MAPRE2: variants seen among roughly 807,000 people sequenced by gnomAD.
MAPRE2 encodes the protein microtubule-associated protein RP/EB family member 2.
In MAPRE2, 13 loss-of-function variants were observed where a neutral mutation model predicts 43.2. The ratio of observed to expected loss-of-function variants is 0.30; its 90% CI spans 0.20 to 0.48. The LOEUF is 0.48. MAPRE2 is among the 20% of genes least tolerant of loss of function. The pLI is 0.99. For missense variants in MAPRE2, 161 were observed against 400.2 expected, an observed-to-expected ratio of 0.40 and a Z score of 5.10; for synonymous variants, 135 against 148.8, an observed-to-expected ratio of 0.91 and a Z score of 0.68.
chr18:35,037,580 G>T (rs1369796817), upstream of MAPRE2, among the ~76,000 whole-genome samples: 1 of 152,198 alleles, frequency 6.6e-6, no homozygotes, highest in Non-Finnish European at 1.5e-5. Flanking sequence ...AGATATGCCA[G>T]CACATGCTTT....
chr18:35,067,455 T>C (rs1906887449), intron 1 of MAPRE2, among the ~76,000 whole-genome samples: 1 of 152,240 alleles, frequency 6.6e-6, no homozygotes, highest in South Asian at 2.1e-4. Flanking sequence ...CTACCTGTAC[T>C]TCTGTTGTAT....
intron 1 of MAPRE2, among the ~76,000 whole-genome samples, chr18:35,049,741 G>T (rs1016949575): frequency 6.6e-6 from 1 of 152,136 alleles, no homozygotes; most frequent in African/African-American, 2.4e-5. Flanking sequence ...TGTGATTATT[G>T]TGTTGATACT....
rs562785266 is a variant in MAPRE2, at chr18:34,992,919, T to C, written c.-69-12573T>C. Among the ~76,000 whole-genome samples, 13 of 152,246 alleles carry C rather than the reference T, an allele frequency of 8.5e-5. 1 individual carries two copies. In the South Asian group the frequency reaches 1.7e-3, roughly 19 times the overall value. On this transcript the variant is annotated intron_variant, in intron 1 of 7. Transcript: ENST00000413393. ...TTAGTGTTGGGTTGTCTCTCCCTCA[T>C]AGGCTGACAAATAAAGAGTCCATAT...
intron 1 of MAPRE2, among the ~76,000 whole-genome samples, chr18:34,985,290 T>TATATAA (rs2097019270): frequency 3.5e-5 from 1 of 28,876 alleles, no homozygotes; most frequent in Non-Finnish European, 5.3e-5. Flanking sequence ...ATATTATATA[T>TATATAA]TATATTATAT....
chr18:35,069,150 A>G (rs542528643), intron 1 of MAPRE2, among the ~76,000 whole-genome samples: 5 of 152,222 alleles, frequency 3.3e-5, no homozygotes, highest in African/African-American at 7.2e-5. Context: ...TGTGGAAACT[A>G]TCAGACAACC....
chr18:34,981,908 G>T (rs1350349130), intron 1 of MAPRE2, among the ~76,000 whole-genome samples: 1 of 135,228 alleles, frequency 7.4e-6, no homozygotes, highest in African/African-American at 2.9e-5. Context: ...TTTTTGAGAC[G>T]GAGTCTCACT....
chr18:35,113,303 G>A (rs1352270016), intron 4 of MAPRE2, among the ~76,000 whole-genome samples: 1 of 152,186 alleles, frequency 6.6e-6, no homozygotes, highest in Non-Finnish European at 1.5e-5. Context: ...GGCAGCGTCT[G>A]TAGAAAAGCC....
At chr18:35,106,667 A>G (rs965324050) in intron 4 of MAPRE2, among the ~76,000 whole-genome samples, 3 of 152,132 alleles carry the variant, frequency 2.0e-5, no homozygotes, top group African/African-American at 7.2e-5. Flanking sequence ...TATGATTCAG[A>G]GAAGCCTTAG....
At position 35,140,412 on chromosome 18, in the gene MAPRE2, G is replaced by A. The variant is rs200253051; in HGVS notation, c.*43G>A. ...TGACACTTCCATTGTGTGTGGGAAC[G>A]TTTCTTCTGGAGAATTGGAACATGT... On this transcript the variant is annotated 3_prime_UTR_variant, in exon 7 of 7. Transcript: ENST00000300249. 7.4e-5 allele frequency: 115 copies of A among 1,545,016 alleles called. No homozygotes were observed. The African/African-American group carries it at 1.1e-3, about 15-fold the overall frequency.
intron 1 of MAPRE2, among the ~76,000 whole-genome samples, chr18:35,001,558 C>G (rs2097029377): frequency 1.3e-5 from 2 of 150,556 alleles, no homozygotes; most frequent in Non-Finnish European, 3.0e-5. Context: ...GCTGCTATTT[C>G]AAACTCACTT....
intron 2 of MAPRE2, among the ~76,000 whole-genome samples, chr18:35,033,129 C>G (rs910756309): frequency 6.6e-6 from 1 of 152,124 alleles, no homozygotes; most frequent in African/African-American, 2.4e-5. Context: ...TACTGGCAAA[C>G]TGAATCCAGC....
intron 2 of MAPRE2, among the ~76,000 whole-genome samples, chr18:35,083,319 T>C (rs1206977497): frequency 6.6e-6 from 1 of 152,252 alleles, no homozygotes; most frequent in Admixed American, 6.5e-5. Context: ...CCCATGATAT[T>C]AGAGCTTTAT....
intron 1 of MAPRE2, among the ~76,000 whole-genome samples, chr18:34,987,855 C>T (rs578091880): frequency 6.6e-6 from 1 of 152,204 alleles, no homozygotes. Flanking sequence ...GTTGCCCAGG[C>T]TGGTCTCGAA....
At chr18:34,981,887 A>ATTTTTTTTTT (rs1261290510) in intron 1 of MAPRE2, among the ~76,000 whole-genome samples, 7 of 34,778 alleles carry the variant, frequency 2.0e-4, no homozygotes, top group African/African-American at 3.5e-4. Context: ...ATTTTTATTT[A>ATTTTTTTTTT]TTTTTTTTTT....
chr18:35,127,234 G>A (rs943277192), intron 5 of MAPRE2, 147 bp downstream of exon 5: 18 of 776,178 alleles, frequency 2.3e-5, no homozygotes, highest in African/African-American at 1.2e-4. Context: ...AGAATTGTTC[G>A]AAGACAAAAT....
chr18:35,000,684 A>C (rs2097028865), intron 1 of MAPRE2, among the ~76,000 whole-genome samples: 1 of 152,176 alleles, frequency 6.6e-6, no homozygotes, highest in Non-Finnish European at 1.5e-5. Context: ...TTTCAATGAA[A>C]ACAAAACCAA....
At chr18:35,118,285 A>C (rs570387792) in intron 4 of MAPRE2, among the ~76,000 whole-genome samples, 1 of 152,052 alleles carries the variant, frequency 6.6e-6, no homozygotes, top group African/African-American at 2.4e-5. Flanking sequence ...TTTATTTTAC[A>C]CTGTAATGAC....
chr18:35,024,920 A>G (rs1362125012), intron 2 of MAPRE2, among the ~76,000 whole-genome samples: 1 of 152,162 alleles, frequency 6.6e-6, no homozygotes, highest in Non-Finnish European at 1.5e-5. Context: ...AGTGAGAAAA[A>G]TATAAAAAAA....
At chr18:35,129,887 T>C (rs979373430) in intron 5 of MAPRE2, among the ~76,000 whole-genome samples, 6 of 152,234 alleles carry the variant, frequency 3.9e-5, no homozygotes, top group Non-Finnish European at 8.8e-5. Context: ...GGCATTGGTC[T>C]TTGTGAGGGG....
Sources: allele counts gnomAD v4.1 joint callset (sites outside exome capture counted in the v4.1 genomes callset), GRCh38; gene constraint gnomAD v4.1.1; transcripts MANE v1.5; gene names NCBI Gene and HGNC (gene_info 2026-07-23, HGNC 2026-07-21).